The following PDZD2 variants were observed in gnomAD, a reference collection of about 807,000 sequenced individuals.
The protein encoded by PDZD2 is PDZ domain-containing protein 2.
PDZD2 carries 90 observed loss-of-function variants against 220.7 expected under a neutral mutation model. The ratio of observed to expected loss-of-function variants is 0.41; its 90% CI spans 0.34 to 0.49. The LOEUF (loss-of-function observed/expected upper bound fraction) is 0.49. Among genes scored for constraint, PDZD2 ranks in the 20% least tolerant of loss-of-function variants. PDZD2 has a pLI of 0.28. For missense variants in PDZD2, 3,174 were observed against 3,608.5 expected, an observed-to-expected ratio of 0.88 and a Z score of 3.08; for synonymous variants, 1,375 against 1,450.5, an observed-to-expected ratio of 0.95 and a Z score of 1.18.
Position 31,646,962 on chromosome 5 carries a change from A to T in PDZD2, c.-361+7525A>T, listed in dbSNP as rs1745157468. On this transcript the variant is annotated intron_variant, in intron 1 of 24. Coordinates refer to ENST00000438447, the MANE Select transcript of PDZD2 (RefSeq NM_178140.4). This position sits in a 1 kb window ranked among gnomAD's most constrained non-coding sequence, Gnocchi z 4.7. ...AGAGGAAGGTACTGGAAAGAATTGC[A>T]TTAACTCCTCTCTGGACTTACTGCT... Among the ~76,000 whole-genome samples, 1 of 152,192 alleles carries T rather than the reference A, an allele frequency of 6.6e-6. No individual in the cohort carries two copies. The highest frequency in any genetic ancestry group is 2.1e-4 in the South Asian group (1 of 4,828).
chr5:31,704,449 T>A (rs544259779), intron 1 of PDZD2, among the ~76,000 whole-genome samples: 1 of 152,356 alleles, frequency 6.6e-6, no homozygotes, highest in East Asian at 1.9e-4. Flanking sequence ...AACAGCACAC[T>A]GTGTGTACCT....
intron 1 of PDZD2, among the ~76,000 whole-genome samples, chr5:31,662,182 A>T (rs1037549432): frequency 1.4e-4 from 22 of 152,096 alleles, no homozygotes; most frequent in Admixed American, 1.1e-3. Flanking sequence ...GTGGTGGTGC[A>T]TGCCTATAAT....
intron 1 of PDZD2, among the ~76,000 whole-genome samples, chr5:31,701,678 C>G (rs1747615587): frequency 6.6e-6 from 1 of 152,192 alleles, no homozygotes; most frequent in Admixed American, 6.5e-5. Flanking sequence ...GCGACCAGTC[C>G]CCGAGGCAGC....
At chr5:31,914,355 C>T (rs2150372001) in intron 2 of PDZD2, among the ~76,000 whole-genome samples, 1 of 152,274 alleles carries the variant, frequency 6.6e-6, no homozygotes, top group South Asian at 2.1e-4. Context: ...GACAGTGAAA[C>T]CCCGTCTCTA....
At chr5:31,648,501 C>T (rs1307069746) in intron 1 of PDZD2, among the ~76,000 whole-genome samples, 5 of 152,080 alleles carry the variant, frequency 3.3e-5, no homozygotes, top group African/African-American at 1.2e-4. Flanking sequence ...GTTGGCCCCA[C>T]CTCCAGCCTC....
chr5:31,921,307 C>T (rs1308795210), intron 2 of PDZD2, among the ~76,000 whole-genome samples: 1 of 152,138 alleles, frequency 6.6e-6, no homozygotes, highest in East Asian at 1.9e-4. Context: ...GTACAGTGCT[C>T]TATGAAGCAT....
At chr5:31,943,963 T>C (rs1425002553) in intron 2 of PDZD2, among the ~76,000 whole-genome samples, 1 of 152,200 alleles carries the variant, frequency 6.6e-6, no homozygotes, top group Non-Finnish European at 1.5e-5. Flanking sequence ...ACAAATGATA[T>C]TCATTATTTG....
At chr5:31,905,129 C>T (rs916232574) in intron 2 of PDZD2, among the ~76,000 whole-genome samples, 18 of 151,992 alleles carry the variant, frequency 1.2e-4, no homozygotes, top group Admixed American at 9.8e-4. Flanking sequence ...CCACCACGCC[C>T]GGCTAATTTT....
chr5:32,027,616 A>G (rs1754774111), intron 6 of PDZD2, among the ~76,000 whole-genome samples: 2 of 152,214 alleles, frequency 1.3e-5, no homozygotes. Context: ...GAGCACGCCC[A>G]GGGTTGACGA....
intron 5 of PDZD2, among the ~76,000 whole-genome samples, chr5:32,004,797 G>C (rs1561322877): frequency 6.6e-6 from 1 of 152,232 alleles, no homozygotes. Context: ...TCCTGCTAGA[G>C]GCTTTGACTT....
chr5:31,834,978 G>C (rs989062592), intron 2 of PDZD2, among the ~76,000 whole-genome samples: 2 of 151,576 alleles, frequency 1.3e-5, no homozygotes. Flanking sequence ...TCTTTAGTTG[G>C]TCTAAATAAG....
At chr5:31,970,506 A>G (rs1749203123) in intron 2 of PDZD2, among the ~76,000 whole-genome samples, 1 of 152,008 alleles carries the variant, frequency 6.6e-6, no homozygotes, top group African/African-American at 2.4e-5. Flanking sequence ...AAATACAAAA[A>G]TTAACCGGGC....
chr5:31,678,147 G>A (rs2150121669), intron 1 of PDZD2, among the ~76,000 whole-genome samples: 1 of 152,298 alleles, frequency 6.6e-6, no homozygotes, highest in East Asian at 1.9e-4. Context: ...CATTTCCCTA[G>A]GGCAGGCCTT....
At chr5:31,718,913 G>A (rs1748617324) in intron 1 of PDZD2, among the ~76,000 whole-genome samples, 1 of 152,132 alleles carries the variant, frequency 6.6e-6, no homozygotes, top group East Asian at 1.9e-4. Flanking sequence ...CGTTAGCCAG[G>A]ATGGTCTCCA....
chr5:31,954,104 A>G (rs1747436134), intron 2 of PDZD2, among the ~76,000 whole-genome samples: 1 of 151,820 alleles, frequency 6.6e-6, no homozygotes, highest in African/African-American at 2.4e-5. Context: ...CAACAGAGTG[A>G]GACACTGTCC....
chr5:32,080,265 G>A (rs1741787650), intron 19 of PDZD2, among the ~76,000 whole-genome samples: 1 of 147,644 alleles, frequency 6.8e-6, no homozygotes, highest in Non-Finnish European at 1.5e-5. Flanking sequence ...GGAGAATGGT[G>A]TGAACCCGGG....
At chr5:31,967,149 G>A (rs1027993764) in intron 2 of PDZD2, among the ~76,000 whole-genome samples, 2 of 152,210 alleles carry the variant, frequency 1.3e-5, no homozygotes, top group African/African-American at 4.8e-5. Flanking sequence ...GGAATGGAGC[G>A]GACGCTGGGA....
Position 32,055,870 on chromosome 5 carries a change from A to G in PDZD2, c.1901-1785A>G, listed in dbSNP as rs142504714. Among the ~76,000 whole-genome samples, 42 of 152,378 alleles carry G rather than the reference A, an allele frequency of 2.8e-4. 1 individual carries two copies. Among genetic ancestry groups the G allele is most frequent in the African/African-American group, 1.0e-3 (42 of 41,584 alleles). On this transcript the variant is annotated intron_variant, in intron 10 of 24. Coordinates refer to ENST00000438447, the MANE Select transcript of PDZD2 (RefSeq NM_178140.4). ...TTTTAGAACAATATAAAATTCTAACAGAGCATTTTTATAATGGATGTGCCA... is the reference window on the plus strand; with the variant it reads ...TTTTAGAACAATATAAAATTCTAACGGAGCATTTTTATAATGGATGTGCCA...
At chr5:31,869,188 A>G (rs565745968) in intron 2 of PDZD2, among the ~76,000 whole-genome samples, 30 of 152,306 alleles carry the variant, frequency 2.0e-4, no homozygotes, top group Non-Finnish European at 3.4e-4. Flanking sequence ...CTTCAGGACA[A>G]ATCCATTTAC....
Sources: gnomAD v4.1 joint callset for allele counts (sites outside exome capture counted in the v4.1 genomes callset) on GRCh38, gnomAD v4.1.1 for gene constraint, Gnocchi (gnomAD v3.1) non-coding constraint, MANE v1.5 for transcripts, NCBI Gene and HGNC (gene_info 2026-07-23, HGNC 2026-07-21) for gene names.